Variants in CERS6 observed in about 807,000 individuals in gnomAD.
The protein encoded by CERS6 is LAG1 homolog, ceramide synthase 6.
CERS6 carries 26 observed loss-of-function variants against 56.8 expected under a neutral mutation model. The ratio of observed to expected loss-of-function variants is 0.46; its 90% CI spans 0.34 to 0.63. CERS6 has a LOEUF of 0.63. Ranked by LOEUF, CERS6 falls within the 30% of genes least tolerant of loss-of-function variation. The pLI, the probability that CERS6 is intolerant of heterozygous loss-of-function variation, is 0.01. For synonymous variants in CERS6, 164 were observed against 173.3 expected, an observed-to-expected ratio of 0.95 and a Z score of 0.42; for missense variants, 415 against 467.5, an observed-to-expected ratio of 0.89 and a Z score of 1.04.
intron 1 of CERS6, among the ~76,000 whole-genome samples, chr2:168,515,404 A>G (rs1003142376): frequency 4.8e-5 from 7 of 145,904 alleles, no homozygotes; most frequent in Admixed American, 6.8e-5. Flanking sequence ...TCACTGTGGG[A>G]AAAAAAAAAA....
intron 5 of CERS6, among the ~76,000 whole-genome samples, chr2:168,693,346 C>T (rs1686553487): frequency 2.0e-5 from 3 of 152,212 alleles, no homozygotes; most frequent in East Asian, 1.9e-4. Flanking sequence ...AAGCACTCGT[C>T]GGACATAGTA....
At chr2:168,676,413 A>T (rs1686061261) in intron 4 of CERS6, among the ~76,000 whole-genome samples, 1 of 152,212 alleles carries the variant, frequency 6.6e-6, no homozygotes. Context: ...GTCATTATGG[A>T]ATATTAAAAA....
chr2:168,590,163 G>C (rs1238269824), intron 3 of CERS6, among the ~76,000 whole-genome samples: 1 of 152,222 alleles, frequency 6.6e-6, no homozygotes, highest in Non-Finnish European at 1.5e-5. Flanking sequence ...AGATTACCAA[G>C]TGTGTTCTTG....
intron 1 of CERS6, among the ~76,000 whole-genome samples, chr2:168,531,106 G>T (rs1000409563): frequency 1.3e-5 from 2 of 152,148 alleles, no homozygotes; most frequent in African/African-American, 4.8e-5. Flanking sequence ...TAGGATTCAG[G>T]CTGTTTATTC....
At chr2:168,560,218 C>T (rs1695763127) in intron 2 of CERS6, among the ~76,000 whole-genome samples, 1 of 152,176 alleles carries the variant, frequency 6.6e-6, no homozygotes, top group South Asian at 2.1e-4. Context: ...TATTCACAAT[C>T]ATGAGAACAG....
chr2:168,517,117 G>A (rs566978404), intron 1 of CERS6, among the ~76,000 whole-genome samples: 20 of 152,070 alleles, frequency 1.3e-4, no homozygotes, highest in Non-Finnish European at 1.9e-4. Context: ...CCAGAACTGG[G>A]TCTCTTGTTG....
chr2:168,508,025 A>G (rs1694712368), intron 1 of CERS6, among the ~76,000 whole-genome samples: 2 of 152,214 alleles, frequency 1.3e-5, no homozygotes, highest in African/African-American at 4.8e-5. Context: ...AAGTTGTATC[A>G]CTGAGCATGA....
chr2:168,646,805 C>T (rs540485355), intron 4 of CERS6, among the ~76,000 whole-genome samples: 3 of 152,090 alleles, frequency 2.0e-5, no homozygotes, highest in African/African-American at 7.2e-5. Flanking sequence ...GAGTCTTTTC[C>T]CCATTGCTTG....
intron 1 of CERS6, among the ~76,000 whole-genome samples, chr2:168,480,157 G>T (rs1031556418): frequency 6.6e-6 from 1 of 152,202 alleles, no homozygotes; most frequent in Non-Finnish European, 1.5e-5. Context: ...ACTTGTGAGA[G>T]AAATGGATAT....
rs373269228 is a variant in CERS6 at position 168,726,232 on chromosome 2, A to G, written c.845+8254A>G. Among the ~76,000 whole-genome samples, 8 of 152,164 alleles carry G rather than the reference A, an allele frequency of 5.3e-5. No individual in the cohort carries two copies. The South Asian group carries it at 1.7e-3, about 32-fold the overall frequency. ...GTTAATACACAGAGAAAGGAGATTC[A>G]ATTAGTCAGTGATTCACCGGGCTCT... On this transcript the variant is annotated intron_variant, in intron 8 of 9. Transcript: ENST00000305747.
At chr2:168,562,963 C>T (rs953985612) in intron 3 of CERS6, among the ~76,000 whole-genome samples, 4 of 152,192 alleles carry the variant, frequency 2.6e-5, no homozygotes, top group Non-Finnish European at 5.9e-5. Context: ...GAAGTTGGGT[C>T]TCAGCACATG....
At chr2:168,629,873 T>C (rs1684671901) in intron 3 of CERS6, among the ~76,000 whole-genome samples, 2 of 151,978 alleles carry the variant, frequency 1.3e-5, no homozygotes, top group Non-Finnish European at 2.9e-5. Flanking sequence ...TGGAGTGCAG[T>C]GGTGGGATCT....
intron 2 of CERS6, among the ~76,000 whole-genome samples, chr2:168,555,764 G>GTGTGTGTGTGTT: frequency 7.3e-6 from 1 of 136,860 alleles, no homozygotes; most frequent in East Asian, 2.2e-4. Flanking sequence ...GTGTGTGTGT[G>GTGTGTGTGTGTT]TATGTAAAGA....
At chr2:168,554,504 G>A (rs1695640181) in intron 2 of CERS6, among the ~76,000 whole-genome samples, 1 of 152,166 alleles carries the variant, frequency 6.6e-6, no homozygotes, top group South Asian at 2.1e-4. Flanking sequence ...ATAGGCATGA[G>A]GGAAGATGCT....
intron 4 of CERS6, among the ~76,000 whole-genome samples, chr2:168,656,765 C>G (rs550163841): frequency 2.6e-5 from 4 of 151,920 alleles, no homozygotes; most frequent in East Asian, 1.9e-4. Flanking sequence ...ACTGCTGGCT[C>G]GGGCAGCCTG....
intron 4 of CERS6, chr2:168,644,173 T>C (rs1685118284): frequency 1.0e-6 from 1 of 955,210 alleles, no homozygotes; most frequent in African/African-American, 1.8e-5. Context: ...GTAGTGATGA[T>C]GAAAATAGAT....
chr2:168,649,201 A>G (rs1393933958), intron 4 of CERS6, among the ~76,000 whole-genome samples: 1 of 152,146 alleles, frequency 6.6e-6, no homozygotes, highest in Non-Finnish European at 1.5e-5. Flanking sequence ...GTGATGTTTC[A>G]TTGATCCTCT....
intron 8 of CERS6, among the ~76,000 whole-genome samples, chr2:168,721,809 G>A (rs1038533590): frequency 5.3e-5 from 8 of 151,710 alleles, no homozygotes; most frequent in African/African-American, 1.5e-4. Flanking sequence ...TTGTAGAGAC[G>A]GGGTCTCACT....
At chr2:168,734,571 C>T (rs191624346) in intron 8 of CERS6, among the ~76,000 whole-genome samples, 201 of 152,330 alleles carry the variant, frequency 1.3e-3, no homozygotes, top group Non-Finnish European at 2.2e-3. Flanking sequence ...CACATGCACA[C>T]GCACACATCA....
Sources: allele counts gnomAD v4.1 joint callset (sites outside exome capture counted in the v4.1 genomes callset), GRCh38; gene constraint gnomAD v4.1.1; transcripts MANE v1.5; gene names NCBI Gene and HGNC (gene_info 2026-07-23, HGNC 2026-07-21).